Variants in SHISA6 observed in about 807,000 individuals in gnomAD.
SHISA6 encodes the protein protein shisa-6.
In SHISA6, 22 loss-of-function variants were observed where a neutral mutation model predicts 47.9. That is an observed-to-expected ratio of 0.46 (90% CI 0.33 to 0.66). The LOEUF (loss-of-function observed/expected upper bound fraction) is 0.66, where lower values mean the gene tolerates loss of function less well. Among genes scored for constraint, SHISA6 ranks in the 30% least tolerant of loss-of-function variants. The pLI, the probability that SHISA6 is intolerant of heterozygous loss-of-function variation, is 0.02. For synonymous variants in SHISA6, 388 were observed against 337.8 expected (o/e 1.15, Z -1.63); for missense variants, 680 against 764.6 (o/e 0.89, Z 1.30).
rs181495909 is a variant in SHISA6, at chr17:11,320,329, T to A, written c.799+56803T>A. 2.8e-4 allele frequency among the ~76,000 whole-genome samples: 42 copies of A among 152,136 alleles called. No homozygotes were observed. In the East Asian group the frequency reaches 7.0e-3, roughly 25 times the overall value. ...CTTAATTCCCCAGTCTGTAATTCCCTGGTGTTTGTGCATGGGGGGTGGGGC... is the reference window on the plus strand; with the variant it reads ...CTTAATTCCCCAGTCTGTAATTCCCAGGTGTTTGTGCATGGGGGGTGGGGC... On this transcript the variant is annotated intron_variant, in intron 2 of 5. Coordinates refer to ENST00000441885, the MANE Select transcript of SHISA6 (RefSeq NM_207386.4).
At chr17:11,434,921 G>T (rs1386131678) in intron 3 of SHISA6, among the ~76,000 whole-genome samples, 1 of 152,162 alleles carries the variant, frequency 6.6e-6, no homozygotes, top group African/African-American at 2.4e-5. Flanking sequence ...AAAGTTGTTG[G>T]AAGAAGCACT....
intron 2 of SHISA6, among the ~76,000 whole-genome samples, chr17:11,283,462 C>G (rs1296772321): frequency 6.6e-6 from 1 of 152,212 alleles, no homozygotes; most frequent in African/African-American, 2.4e-5. Context: ...TATTAAAGCA[C>G]AGCCACTTGT....
intron 3 of SHISA6, among the ~76,000 whole-genome samples, chr17:11,456,599 T>C (rs1017139490): frequency 5.3e-5 from 8 of 152,148 alleles, no homozygotes; most frequent in Non-Finnish European, 8.8e-5. Context: ...AGCCATGTCC[T>C]CCAGTGAAAT....
At chr17:11,482,756 A>G (rs1916252449) in intron 3 of SHISA6, among the ~76,000 whole-genome samples, 1 of 152,212 alleles carries the variant, frequency 6.6e-6, no homozygotes, top group Non-Finnish European at 1.5e-5. Context: ...GACAGCAGGT[A>G]AATCTGGGAG....
intron 3 of SHISA6, among the ~76,000 whole-genome samples, chr17:11,439,858 CA>C: frequency 6.6e-6 from 1 of 152,250 alleles, no homozygotes; most frequent in African/African-American, 2.4e-5. Context: ...GTCTTGATGA[CA>C]GCTTTCTTTT....
intron 3 of SHISA6, among the ~76,000 whole-genome samples, chr17:11,521,095 A>C (rs2071625706): frequency 6.6e-6 from 1 of 152,222 alleles, no homozygotes; most frequent in Non-Finnish European, 1.5e-5. Flanking sequence ...GTTCAAATTA[A>C]GATAGACTTT....
At chr17:11,330,292 A>T (rs570556405) in intron 2 of SHISA6, among the ~76,000 whole-genome samples, 7 of 152,192 alleles carry the variant, frequency 4.6e-5, no homozygotes, top group Admixed American at 4.6e-4. Flanking sequence ...CCTGGACTGA[A>T]CAGCATTCTT....
intron 2 of SHISA6, among the ~76,000 whole-genome samples, chr17:11,273,237 C>T (rs967024924): frequency 6.6e-6 from 1 of 152,160 alleles, no homozygotes; most frequent in African/African-American, 2.4e-5. Flanking sequence ...AAACACAGAC[C>T]CTAGAGCTCA....
intron 1 of SHISA6, among the ~76,000 whole-genome samples, chr17:11,263,130 TAAAG>T (rs1415362815): frequency 1.3e-5 from 2 of 152,116 alleles, no homozygotes; most frequent in Non-Finnish European, 2.9e-5. Flanking sequence ...TGAAATAAAT[TAAAG>T]AAAGAAACCG....
At chr17:11,255,549 G>A (rs1907975330) in intron 1 of SHISA6, among the ~76,000 whole-genome samples, 1 of 152,206 alleles carries the variant, frequency 6.6e-6, no homozygotes, top group Non-Finnish European at 1.5e-5. Flanking sequence ...GCTAGTGGAA[G>A]CAAATCCATG....
chr17:11,429,671 A>T (rs1914697390), intron 3 of SHISA6, among the ~76,000 whole-genome samples: 1 of 151,752 alleles, frequency 6.6e-6, no homozygotes, highest in Non-Finnish European at 1.5e-5. Context: ...CATGCCTATA[A>T]TCCCACCTAC....
chr17:11,457,074 A>G (rs1372801879), intron 3 of SHISA6, among the ~76,000 whole-genome samples: 1 of 152,150 alleles, frequency 6.6e-6, no homozygotes, highest in African/African-American at 2.4e-5. Context: ...CCCCCTTGTC[A>G]GTTCCAGCTC....
At chr17:11,334,833 C>T (rs753507546) in intron 2 of SHISA6, among the ~76,000 whole-genome samples, 4 of 152,220 alleles carry the variant, frequency 2.6e-5, no homozygotes, top group Non-Finnish European at 5.9e-5. Flanking sequence ...TTCAGCCCCA[C>T]GGAAGACCCT....
At chr17:11,293,164 A>G (rs952768178) in intron 2 of SHISA6, among the ~76,000 whole-genome samples, 37 of 152,048 alleles carry the variant, frequency 2.4e-4, no homozygotes, top group Non-Finnish European at 3.5e-4. Context: ...CAGTTGCTGT[A>G]TGGATTGATA....
chr17:11,256,519 G>A (rs1908013543), intron 1 of SHISA6, among the ~76,000 whole-genome samples: 1 of 151,608 alleles, frequency 6.6e-6, no homozygotes, highest in Non-Finnish European at 1.5e-5. Flanking sequence ...AAACAACAAC[G>A]CCAACAATCA....
chr17:11,423,326 TATAGATAGATAGATAGATAG>T lies in SHISA6; in HGVS notation c.895+43841_895+43860del, dbSNP rs57338481. 4.5e-4 allele frequency among the ~76,000 whole-genome samples: 64 copies of T among 142,676 alleles called. 1 individual carries two copies. Among genetic ancestry groups the T allele is most frequent in the Middle Eastern group, 3.5e-3 (1 of 282 alleles). 93.6% of individuals were successfully genotyped at this position (142,676 alleles called of 152,430 possible). A position where few individuals can be genotyped will look rare whatever the true frequency, so the allele number is the denominator to read the frequency against. On this transcript the variant is annotated intron_variant, in intron 3 of 5. Coordinates refer to ENST00000441885, the MANE Select transcript of SHISA6 (RefSeq NM_207386.4). ...TATCTATATATGCCTGTAACATATA[TATAGATAGATAGATAGATAG>T]ATAGATAGATAGATAGATAGATATA...
chr17:11,420,871 A>G (rs1213618114), intron 3 of SHISA6, among the ~76,000 whole-genome samples: 1 of 152,100 alleles, frequency 6.6e-6, no homozygotes, highest in Non-Finnish European at 1.5e-5. Flanking sequence ...GGTATGTTTG[A>G]CCCTTCCCAG....
rs1379414225 is a variant in SHISA6, at chr17:11,389,529, A to AAGG, written c.895+10021_895+10023dup. ...AGCTTGTCTTCTTTCTATTAGGCAG[A>AAGG]AGGGGAGGCTCACGGGAAGTCTGTT... On this transcript the variant is annotated intron_variant, in intron 3 of 5. Coordinates refer to ENST00000441885, the MANE Select transcript of SHISA6 (RefSeq NM_207386.4). Among the ~76,000 whole-genome samples, 3 of 152,288 alleles carry AAGG rather than the reference A, an allele frequency of 2.0e-5. No individual in the cohort carries two copies. The East Asian group carries it at 5.8e-4, about 29-fold the overall frequency.
intron 2 of SHISA6, among the ~76,000 whole-genome samples, chr17:11,312,944 A>T (rs1208522628): frequency 6.6e-6 from 1 of 152,122 alleles, no homozygotes; most frequent in Non-Finnish European, 1.5e-5. Flanking sequence ...GTGCTTATAA[A>T]CTCTGTCAAA....
Sources: allele counts gnomAD v4.1 joint callset (sites outside exome capture counted in the v4.1 genomes callset), GRCh38; gene constraint gnomAD v4.1.1; transcripts MANE v1.5; gene names NCBI Gene and HGNC (gene_info 2026-07-23, HGNC 2026-07-21).